Variants in ITPRID1 observed in about 807,000 individuals in gnomAD.
ITPRID1 encodes ITPR interacting domain containing 1.
Under a neutral mutation model 95.4 loss-of-function variants are expected in ITPRID1, and 96 were observed. The ratio of observed to expected loss-of-function variants is 1.01; its 90% CI spans 0.85 to 1.19. The LOEUF (loss-of-function observed/expected upper bound fraction) is 1.19. ITPRID1 is among the 50% of genes most tolerant of loss of function. The probability of loss-of-function intolerance (pLI) is 0.00; values close to 1 mark genes in which losing one functional copy is unlikely to be tolerated. For missense variants in ITPRID1, 1,339 were observed against 1,252.9 expected (o/e 1.07, Z -1.04); for synonymous variants, 510 against 453.6 (o/e 1.12, Z -1.58).
chr7:31,641,805 A>G (rs1037625917), intron 10 of ITPRID1, among the ~76,000 whole-genome samples: 13 of 152,200 alleles, frequency 8.5e-5, no homozygotes, highest in Non-Finnish European at 1.5e-4. Context: ...ACACACAAAT[A>G]TATAAAATGT....
At chr7:31,642,530 G>T (rs1365266534) in intron 11 of ITPRID1, among the ~76,000 whole-genome samples, 152 bp from the exon 12 acceptor site, 1 of 152,190 alleles carries the variant, frequency 6.6e-6, no homozygotes, top group Non-Finnish European at 1.5e-5. Context: ...TAGAGAGGAG[G>T]ACCTTGGTAA....
At chr7:31,559,201 A>G (rs1008828956) in intron 5 of ITPRID1, among the ~76,000 whole-genome samples, 3 of 152,114 alleles carry the variant, frequency 2.0e-5, no homozygotes, top group African/African-American at 7.2e-5. Context: ...GCTCCCTTCC[A>G]CTGCCCCTGC....
At position 31,656,471 on chromosome 7, in the gene ITPRID1, C is replaced by T. The variant is rs1791310759; in HGVS notation, c.*3642C>T. 1 of 980,292 alleles carries T rather than the reference C, an allele frequency of 1.0e-6. No homozygotes were observed. Among genetic ancestry groups the T allele is most frequent in the African/African-American group, 1.8e-5 (1 of 57,118 alleles). 60.7% of individuals were successfully genotyped at this position (980,292 alleles called of 1,614,324 possible). ...TGCATGTTGGCTATTATTACAAGTGCACATACCAAGAACTCAATAAATGCT... is the reference window on the plus strand; with the variant it reads ...TGCATGTTGGCTATTATTACAAGTGTACATACCAAGAACTCAATAAATGCT... On this transcript the variant is annotated 3_prime_UTR_variant, in exon 15 of 15. Coordinates refer to ENST00000615280, the MANE Select transcript of ITPRID1 (RefSeq NM_001257967.3).
At chr7:31,614,754 TGAGGA>T (rs1787045416) in intron 10 of ITPRID1, among the ~76,000 whole-genome samples, 1 of 152,186 alleles carries the variant, frequency 6.6e-6, no homozygotes, top group South Asian at 2.1e-4. Context: ...AAAGGTTCTC[TGAGGA>T]GAGAGCATTG....
intron 1 of ITPRID1, among the ~76,000 whole-genome samples, chr7:31,527,347 T>C (rs1348478848): frequency 1.3e-5 from 2 of 152,194 alleles, no homozygotes; most frequent in Non-Finnish European, 2.9e-5. Context: ...TTAGCCCTAG[T>C]ATGCAGTATG....
chr7:31,640,127 C>T (rs1029465323), intron 10 of ITPRID1, among the ~76,000 whole-genome samples: 4 of 152,140 alleles, frequency 2.6e-5, no homozygotes, highest in Non-Finnish European at 5.9e-5. Flanking sequence ...TTAGGTGGGA[C>T]CAGAGCAGCG....
At chr7:31,629,608 TTA>T (rs925501333) in intron 10 of ITPRID1, among the ~76,000 whole-genome samples, 27 of 152,352 alleles carry the variant, frequency 1.8e-4, no homozygotes, top group African/African-American at 5.5e-4. Context: ...AGTGCGAATT[TTA>T]TCTTTCAAAA....
At chr7:31,597,244 C>T (rs1786127135) in intron 10 of ITPRID1, among the ~76,000 whole-genome samples, 1 of 151,812 alleles carries the variant, frequency 6.6e-6, no homozygotes, top group African/African-American at 2.4e-5. Flanking sequence ...TACAACCTGC[C>T]CACATTACTT....
chr7:31,565,321 C>T (rs1045542047), intron 5 of ITPRID1, among the ~76,000 whole-genome samples: 3 of 152,194 alleles, frequency 2.0e-5, no homozygotes, highest in African/African-American at 4.8e-5. Flanking sequence ...TTTAAAAAAT[C>T]ATATTCAGTT....
At chr7:31,578,460 C>T in intron 9 of ITPRID1, 26 bp downstream of exon 9, 1 of 1,517,444 alleles carries the variant, frequency 6.6e-7, no homozygotes, top group Non-Finnish European at 8.9e-7. Flanking sequence ...ACGTACCAGC[C>T]TCCTAAGGGA....
intron 10 of ITPRID1, among the ~76,000 whole-genome samples, chr7:31,638,185 A>G (rs2128204855): frequency 6.6e-6 from 1 of 152,340 alleles, no homozygotes; most frequent in East Asian, 1.9e-4. Context: ...TGATATAAGG[A>G]GGAAAACGGG....
chr7:31,537,962 A>C (rs946199402), intron 1 of ITPRID1, among the ~76,000 whole-genome samples: 1 of 152,182 alleles, frequency 6.6e-6, no homozygotes, highest in Non-Finnish European at 1.5e-5. Flanking sequence ...CATTGTCACT[A>C]TTATTTTCAA....
intron 12 of ITPRID1, among the ~76,000 whole-genome samples, chr7:31,649,805 G>T (rs944540360): frequency 2.0e-5 from 3 of 152,184 alleles, no homozygotes; most frequent in Non-Finnish European, 4.4e-5. Context: ...CCGGCAAATG[G>T]ACTGGGCTTG....
chr7:31,551,497 A>G (rs1040030898), intron 2 of ITPRID1, among the ~76,000 whole-genome samples: 2 of 143,744 alleles, frequency 1.4e-5, no homozygotes, highest in African/African-American at 4.9e-5. Flanking sequence ...GACTGTTAAT[A>G]TAGATATAAC....
At chr7:31,516,591 G>C (rs894924532) in intron 1 of ITPRID1, among the ~76,000 whole-genome samples, 1 of 152,044 alleles carries the variant, frequency 6.6e-6, no homozygotes, top group East Asian at 1.9e-4. Flanking sequence ...GCAGCACCCA[G>C]ATTTGAATGT....
At chr7:31,627,877 G>T (rs1039912188) in intron 10 of ITPRID1, among the ~76,000 whole-genome samples, 1 of 152,120 alleles carries the variant, frequency 6.6e-6, no homozygotes, top group African/African-American at 2.4e-5. Flanking sequence ...TAAGTTGTCT[G>T]GTTATTGTAC....
In ITPRID1 at chr7:31,599,667, TCTCTC is replaced by T. The variant is rs1562599092; in HGVS notation, c.1228+16477_1228+16481del. ...TTTCTTTTTCTTTCTTTCCTTTCTC[TCTCTC>T]TCTCTCTCTCTCTCTCTCTCTTTCT... On this transcript the variant is annotated intron_variant, in intron 10 of 14. Transcript: ENST00000615280. Among the ~76,000 whole-genome samples the T allele has an allele frequency of 7.2e-5, 9 of 124,630 alleles. 1 individual carries two copies. In the South Asian group the frequency reaches 7.6e-4, roughly 11 times the overall value. The allele number at this position is 124,630 out of a possible 152,430, so 81.8% of individuals were successfully genotyped here.
At chr7:31,616,548 T>C (rs1478173748) in intron 10 of ITPRID1, among the ~76,000 whole-genome samples, 3 of 152,116 alleles carry the variant, frequency 2.0e-5, no homozygotes, top group Non-Finnish European at 2.9e-5. Context: ...CATCAACACA[T>C]CCCTCCACCC....
At chr7:31,566,569 C>A (rs1784808826) in intron 5 of ITPRID1, among the ~76,000 whole-genome samples, 1 of 152,162 alleles carries the variant, frequency 6.6e-6, no homozygotes, top group African/African-American at 2.4e-5. Flanking sequence ...GTAGATAGAA[C>A]TGCTGCTGGT....
Sources: allele counts gnomAD v4.1 joint callset (sites outside exome capture counted in the v4.1 genomes callset), GRCh38; gene constraint gnomAD v4.1.1; transcripts MANE v1.5; gene names NCBI Gene and HGNC (gene_info 2026-07-23, HGNC 2026-07-21).